DENND1B: variants seen among roughly 807,000 people sequenced by gnomAD.
DENND1B encodes the protein DENN domain containing 1B.
A neutral mutation model predicts 90.1 loss-of-function variants in DENND1B; 59 were observed. The observed-to-expected ratio is 0.65, with a 90% CI of 0.53 to 0.81. The LOEUF (loss-of-function observed/expected upper bound fraction) is 0.81, where lower values mean the gene tolerates loss of function less well. Among genes scored for constraint, DENND1B ranks in the 40% least tolerant of loss-of-function variants. DENND1B has a pLI of 0.00. For missense variants in DENND1B, 862 were observed against 912.6 expected, an observed-to-expected ratio of 0.94 and a Z score of 0.71; for synonymous variants, 337 against 324.6, an observed-to-expected ratio of 1.04 and a Z score of -0.41.
rs561286178 is a variant in DENND1B, at chr1:197,611,503, A to C, written c.819+428T>G. On this transcript the variant is annotated intron_variant, in intron 12 of 22. Coordinates refer to ENST00000620048, the MANE Select transcript of DENND1B (RefSeq NM_001195215.2). ...TTAGTATATTAAAACCACATTTAAA[A>C]TGTACACACTGATAAATGGGAACAT... is the stretch of plus-strand genomic sequence containing the variant. Among the ~76,000 whole-genome samples the C allele has an allele frequency of 4.0e-5, 6 of 150,936 alleles. No individual in the cohort carries two copies. The East Asian group carries it at 5.9e-4, about 15-fold the overall frequency.
intron 3 of DENND1B, among the ~76,000 whole-genome samples, chr1:197,677,023 C>T (rs1327609220): frequency 1.3e-5 from 2 of 151,968 alleles, no homozygotes; most frequent in East Asian, 3.9e-4. Flanking sequence ...AAAACACTAA[C>T]GTTTACATCT....
intron 20 of DENND1B, among the ~76,000 whole-genome samples, chr1:197,529,864 GAC>G (rs1205180287): frequency 6.6e-6 from 1 of 152,126 alleles, no homozygotes; most frequent in Non-Finnish European, 1.5e-5. Flanking sequence ...TCTGCACCAT[GAC>G]CAGTGGCTAT....
intron 2 of DENND1B, among the ~76,000 whole-genome samples, chr1:197,767,485 T>C (rs2102487560): frequency 6.6e-6 from 1 of 152,256 alleles, no homozygotes; most frequent in Admixed American, 6.5e-5. Flanking sequence ...AAGTTGCAGA[T>C]AAGAAAAATT....
intron 3 of DENND1B, among the ~76,000 whole-genome samples, chr1:197,699,981 G>C (rs144303683): frequency 6.6e-6 from 1 of 151,900 alleles, no homozygotes; most frequent in Admixed American, 6.6e-5. Context: ...AAACGGAAAA[G>C]CATTCCATCC....
In DENND1B at chr1:197,647,095, G is replaced by C; in HGVS notation, c.467C>G (p.Ala156Gly). Residue 156 changes from alanine (A) to glycine (G), a missense_variant, in exon 8 of 23, where the codon GCC (alanine) becomes GGC (glycine). Ala to Gly is a moderately conservative substitution (Grantham distance 60). Coordinates refer to ENST00000620048, the MANE Select transcript of DENND1B (RefSeq NM_001195215.2). ...NLSVNQEIFI[A>G]CEQVLKDQPA... is the part of the protein sequence containing the mutation. ...CTGATCTTTCAGAACTTGCTCACAGGCAATAAATATCTCTTGGTTCTTATA... is the reference window on the plus strand; with the variant it reads ...CTGATCTTTCAGAACTTGCTCACAGCCAATAAATATCTCTTGGTTCTTATA... 1 of 1,461,862 alleles carries C rather than the reference G, an allele frequency of 6.8e-7. No homozygotes were observed. Among genetic ancestry groups the C allele is most frequent in the Non-Finnish European group, 9.0e-7 (1 of 1,115,258 alleles). The allele number at this position is 1,461,862 out of a possible 1,614,324, so 90.6% of individuals were successfully genotyped here.
At chr1:197,739,921 G>A (rs1663057974) in intron 2 of DENND1B, among the ~76,000 whole-genome samples, 1 of 152,154 alleles carries the variant, frequency 6.6e-6, no homozygotes, top group Non-Finnish European at 1.5e-5. Context: ...CTCTAAATTA[G>A]AATATGTAAT....
intron 10 of DENND1B, among the ~76,000 whole-genome samples, chr1:197,627,175 T>G (rs946050020): frequency 2.0e-5 from 3 of 152,150 alleles, no homozygotes; most frequent in African/African-American, 7.2e-5. Flanking sequence ...CTAACTCATT[T>G]TATGAGGCCA....
intron 13 of DENND1B, among the ~76,000 whole-genome samples, chr1:197,602,480 T>C (rs527691168): frequency 2.1e-4 from 32 of 151,684 alleles, no homozygotes; most frequent in African/African-American, 7.5e-4. Context: ...CTTTCTAACC[T>C]GACCACCCTA....
At chr1:197,586,249 A>G (rs1442350195) in intron 14 of DENND1B, among the ~76,000 whole-genome samples, 1 of 152,214 alleles carries the variant, frequency 6.6e-6, no homozygotes, top group Non-Finnish European at 1.5e-5. Context: ...CTATTAAGCC[A>G]GATATTAAAG....
intron 2 of DENND1B, among the ~76,000 whole-genome samples, chr1:197,747,633 A>T (rs972391737): frequency 1.3e-5 from 2 of 152,240 alleles, no homozygotes; most frequent in African/African-American, 2.4e-5. Context: ...TTCAGTTTTT[A>T]AAAAATGCAA....
At chr1:197,527,481 C>T (rs1048831079) in intron 20 of DENND1B, among the ~76,000 whole-genome samples, 1 of 151,922 alleles carries the variant, frequency 6.6e-6, no homozygotes, top group African/African-American at 2.4e-5. Context: ...GGAGTTTCTC[C>T]GTGTTGGCCA....
intron 3 of DENND1B, among the ~76,000 whole-genome samples, chr1:197,686,425 A>T (rs909498054): frequency 6.6e-6 from 1 of 152,120 alleles, no homozygotes; most frequent in Non-Finnish European, 1.5e-5. Context: ...AGCATAATAC[A>T]TTCAACAAGT....
intron 10 of DENND1B, among the ~76,000 whole-genome samples, chr1:197,633,139 CT>C (rs1166420636): frequency 1.3e-5 from 2 of 152,112 alleles, no homozygotes; most frequent in Non-Finnish European, 2.9e-5. Context: ...CAATTATGGC[CT>C]CTTGACCAGT....
chr1:197,541,087 C>T, intron 18 of DENND1B, 72 bp from the exon 19 acceptor site: 1 of 1,284,910 alleles, frequency 7.8e-7, no homozygotes, highest in Non-Finnish European at 1.1e-6. Context: ...TATACAAGAT[C>T]AAATTTAATG....
At chr1:197,655,555 G>A (rs111777145) in intron 6 of DENND1B, among the ~76,000 whole-genome samples, 1,623 of 149,146 alleles carry the variant, frequency 0.011, 35 homozygotes, top group African/African-American at 0.038. Flanking sequence ...TTTTTGAGAC[G>A]GAGTCTCGCT....
rs11806557 is a variant in DENND1B at position 197,761,464 on chromosome 1, T to A, written c.82+11404A>T. ...ACCTTGAGGACATATGATGTTCCCG[T>A]GTATTAAAACACATTTGAACTTATT... On this transcript the variant is annotated intron_variant, in intron 2 of 22. Transcript: ENST00000620048. 5.1e-3 allele frequency among the ~76,000 whole-genome samples: 770 copies of A among 152,306 alleles called. 8 individuals carry two copies. Among genetic ancestry groups the A allele is most frequent in the African/African-American group, 0.017 (714 of 41,578 alleles).
intron 19 of DENND1B, 104 bp from the exon 20 acceptor site, chr1:197,540,175 A>C: frequency 1.7e-6 from 1 of 584,940 alleles, no homozygotes; most frequent in Non-Finnish European, 2.8e-6. Flanking sequence ...AAGTAGCAAA[A>C]TAACACTTCA....
intron 20 of DENND1B, among the ~76,000 whole-genome samples, chr1:197,528,489 A>G (rs935800838): frequency 6.6e-6 from 1 of 152,230 alleles, no homozygotes; most frequent in African/African-American, 2.4e-5. Context: ...CAAAAAGACA[A>G]AAAGTTTCAT....
At chr1:197,595,164 C>A in intron 14 of DENND1B, 44 bp downstream of exon 14, 1 of 1,566,448 alleles carries the variant, frequency 6.4e-7, no homozygotes, top group Admixed American at 2.0e-5. Context: ...TTCCAAAGAA[C>A]CATAAAAAAG....
Sources: allele counts gnomAD v4.1 joint callset (sites outside exome capture counted in the v4.1 genomes callset), GRCh38; gene constraint gnomAD v4.1.1; transcripts MANE v1.5; gene names NCBI Gene and HGNC (gene_info 2026-07-23, HGNC 2026-07-21).